The following ZP3 variants were observed in gnomAD, a reference collection of about 807,000 sequenced individuals.
The protein encoded by ZP3 is zona pellucida glycoprotein 3.
ZP3 carries 21 observed loss-of-function variants against 35.6 expected under a neutral mutation model. The observed-to-expected ratio is 0.59, with a 90% CI of 0.42 to 0.85. The LOEUF (loss-of-function observed/expected upper bound fraction) is 0.85. Ranked by LOEUF, ZP3 falls within the 40% of genes least tolerant of loss-of-function variation. The probability of loss-of-function intolerance (pLI) is 0.00; values close to 1 mark genes in which losing one functional copy is unlikely to be tolerated. For missense variants in ZP3, 437 were observed against 536.5 expected, an observed-to-expected ratio of 0.81 and a Z score of 1.83; for synonymous variants, 207 against 214.5, an observed-to-expected ratio of 0.96 and a Z score of 0.31.
In ZP3 at chr7:76,439,391, C is replaced by T. The variant is rs1169969138; in HGVS notation, c.832-859C>T. Among the ~76,000 whole-genome samples, 8 of 152,180 alleles carry T rather than the reference C, an allele frequency of 5.3e-5. No homozygotes were observed. The East Asian group carries it at 5.8e-4, about 11-fold the overall frequency. Reference sequence around the variant, plus strand: ...CACCTCGGTCACCTGGGGATGGGCGCGGGTTTAGCAATGCTGAGTTAAGCC... The same window carrying T: ...CACCTCGGTCACCTGGGGATGGGCGTGGGTTTAGCAATGCTGAGTTAAGCC... On this transcript the variant is annotated intron_variant, in intron 5 of 7. Coordinates refer to ENST00000394857, the MANE Select transcript of ZP3 (RefSeq NM_001110354.2).
At chr7:76,418,986 T>C (rs541999623) in intron 1 of ZP3, among the ~76,000 whole-genome samples, 130 of 152,274 alleles carry the variant, frequency 8.5e-4, no homozygotes, top group African/African-American at 3.1e-3. Context: ...GAATCTTGGT[T>C]TGGTTCCTCA....
At chr7:76,433,707 G>A in intron 4 of ZP3, 60 bp downstream of exon 4, 1 of 1,519,762 alleles carries the variant, frequency 6.6e-7, no homozygotes. Context: ...AAAGCCACCT[G>A]TTTGGCTTTT....
intron 5 of ZP3, chr7:76,440,031 G>A (rs577531648): frequency 8.5e-4 from 476 of 560,000 alleles, no homozygotes; most frequent in African/African-American, 8.3e-3. Flanking sequence ...ATTTTTAGTA[G>A]CGATGGGGTT....
intron 1 of ZP3, chr7:76,400,573 C>A: frequency 6.8e-7 from 1 of 1,480,768 alleles, no homozygotes; most frequent in Non-Finnish European, 9.0e-7. Flanking sequence ...GCGGCTGGGG[C>A]CCCCCACCAG....
At chr7:76,414,598 G>A (rs983620703) in intron 1 of ZP3, among the ~76,000 whole-genome samples, 1 of 150,090 alleles carries the variant, frequency 6.7e-6, no homozygotes, top group Non-Finnish European at 1.5e-5. Flanking sequence ...AAGTGCTGAT[G>A]ATTCCATTTA....
At chr7:76,423,794 G>A (rs769115363), upstream of ZP3, among the ~76,000 whole-genome samples, 4 of 151,838 alleles carry the variant, frequency 2.6e-5, no homozygotes, top group Admixed American at 6.6e-5. Context: ...CCTGGGAGGC[G>A]GAGGCTGCAG....
At chr7:76,420,181 A>C (rs1243135472), upstream of ZP3, among the ~76,000 whole-genome samples, 50 of 120,184 alleles carry the variant, frequency 4.2e-4, no homozygotes, top group East Asian at 7.0e-4. Context: ...CTCCTCCTCC[A>C]CCTCCTCCTT....
At chr7:76,400,893 G>A in intron 1 of ZP3, 4 of 1,375,730 alleles carry the variant, frequency 2.9e-6, no homozygotes, top group Non-Finnish European at 1.0e-6. Flanking sequence ...CCCTGAGATG[G>A]GGGCATCTAG....
At chr7:76,400,407 G>T (rs759473168) in intron 1 of ZP3, 1 of 1,603,672 alleles carries the variant, frequency 6.2e-7, no homozygotes, top group Admixed American at 1.7e-5. Flanking sequence ...GCAGGATGGG[G>T]CCTCGGCCTT....
At chr7:76,402,037 T>A (rs1804846953) in intron 1 of ZP3, among the ~76,000 whole-genome samples, 1 of 151,912 alleles carries the variant, frequency 6.6e-6, no homozygotes, top group African/African-American at 2.4e-5. Flanking sequence ...TTCTTCTTTT[T>A]AAGACAGTGT....
chr7:76,432,861 C>A, intron 2 of ZP3, 66 bp from the exon 3 acceptor site: 1 of 1,388,890 alleles, frequency 7.2e-7, no homozygotes, highest in Non-Finnish European at 1.0e-6. Context: ...GAGATACTCC[C>A]CATCAGTGGG....
chr7:76,413,235 A>G (rs1805291775), intron 1 of ZP3, among the ~76,000 whole-genome samples: 1 of 151,782 alleles, frequency 6.6e-6, no homozygotes, highest in African/African-American at 2.4e-5. Flanking sequence ...TGCTGGGATT[A>G]CAGGTGTGAG....
rs1805881145 is a variant in ZP3 at position 76,433,123 on chromosome 7, T to TTTTGGTTTTGGTTGGTTTTG, written c.535+94_535+113dup. ...CTGTGTCTTTTTTTTGTTTGTTTGG[T>TTTTGGTTTTGGTTGGTTTTG]TTTGGTTTTGGTTGGTTTTGGTTGG... is the stretch of plus-strand genomic sequence containing the variant. On this transcript the variant is annotated intron_variant, in intron 3 of 7. Coordinates refer to ENST00000394857, the MANE Select transcript of ZP3 (RefSeq NM_001110354.2). 3 of 490,420 alleles carry TTTTGGTTTTGGTTGGTTTTG rather than the reference T, an allele frequency of 6.1e-6. No homozygotes were observed. In the East Asian group the frequency reaches 1.9e-4, roughly 31 times the overall value. 30.4% of individuals were successfully genotyped at this position (490,420 alleles called of 1,614,324 possible). A position where few individuals can be genotyped will look rare whatever the true frequency, so the allele number is the denominator to read the frequency against.
chr7:76,434,618 G>T (rs1352781770), intron 5 of ZP3, among the ~76,000 whole-genome samples: 1 of 136,510 alleles, frequency 7.3e-6, no homozygotes, highest in Non-Finnish European at 1.6e-5. Context: ...CAGCCTGAGT[G>T]ACAGTGAGAC....
chr7:76,431,126 G>T (rs1159899366), intron 2 of ZP3, among the ~76,000 whole-genome samples: 1 of 152,180 alleles, frequency 6.6e-6, no homozygotes, highest in Non-Finnish European at 1.5e-5. Flanking sequence ...CTGGAAAACT[G>T]GGATTCAATG....
intron 1 of ZP3, among the ~76,000 whole-genome samples, chr7:76,398,048 C>T (rs1478258163): frequency 6.6e-6 from 1 of 152,124 alleles, no homozygotes; most frequent in Non-Finnish European, 1.5e-5. Flanking sequence ...CTCCCTGTCT[C>T]CTGGCAGCCT....
upstream of ZP3, among the ~76,000 whole-genome samples, chr7:76,422,634 G>A (rs28632114): frequency 0.18 from 26,415 of 148,632 alleles, 2,583 homozygotes; most frequent in South Asian, 0.27. Flanking sequence ...AGCTGAGATC[G>A]CGCCACTGCA....
chr7:76,419,655 CTCTCTT>C (rs969135061), intron 1 of ZP3, among the ~76,000 whole-genome samples: 2 of 150,740 alleles, frequency 1.3e-5, no homozygotes, highest in African/African-American at 2.5e-5. Flanking sequence ...TTCTCTCTCT[CTCTCTT>C]TCTTTCTTTC....
chr7:76,440,535 C>A lies in ZP3; in HGVS notation c.984C>A (p.Gly328=). The change falls in exon 7 of 8, where the codon GGC becomes GGA. Residue 328 remains glycine, a synonymous_variant. Transcript: ENST00000394857. ...AATGCTGTAACAAAGGTGACTGTGGCACTCCAAGCCATTCCAGGAGGCAGC... is the reference window on the plus strand; with the variant it reads ...AATGCTGTAACAAAGGTGACTGTGGAACTCCAAGCCATTCCAGGAGGCAGC... The part of the protein sequence containing the change: ...ICQCCNKGDC[G]TPSHSRRQPH... The A allele has an allele frequency of 6.2e-7, 1 of 1,614,170 alleles. No homozygotes were observed. Among genetic ancestry groups the A allele is most frequent in the Non-Finnish European group, 8.5e-7 (1 of 1,180,024 alleles).
Sources: allele counts gnomAD v4.1 joint callset (sites outside exome capture counted in the v4.1 genomes callset), GRCh38; gene constraint gnomAD v4.1.1; transcripts MANE v1.5; gene names NCBI Gene and HGNC (gene_info 2026-07-23, HGNC 2026-07-21).